FUT8: variants seen among roughly 807,000 people sequenced by gnomAD.
FUT8 encodes the protein alpha-(1,6)-fucosyltransferase.
In FUT8, 29 loss-of-function variants were observed where a neutral mutation model predicts 71.3. The ratio of observed to expected loss-of-function variants is 0.41; its 90% CI spans 0.30 to 0.55. The LOEUF is 0.55. Ranked by LOEUF, FUT8 falls within the 20% of genes least tolerant of loss-of-function variation. The pLI, the probability that FUT8 is intolerant of heterozygous loss-of-function variation, is 0.34. For synonymous variants in FUT8, 254 were observed against 239.3 expected (o/e 1.06, Z -0.57); for missense variants, 544 against 702.1 (o/e 0.77, Z 2.55).
chr14:65,503,595 G>A (rs1210730824), intron 2 of FUT8, among the ~76,000 whole-genome samples: 2 of 152,158 alleles, frequency 1.3e-5, no homozygotes, highest in African/African-American at 4.8e-5. Flanking sequence ...CAAATAGAAA[G>A]GTAATCTTTC....
In FUT8 at chr14:65,413,989, T is replaced by G. The variant is rs1211153478; in HGVS notation, c.-326+775T>G. Among the ~76,000 whole-genome samples the G allele has an allele frequency of 6.6e-6, 1 of 152,190 alleles. No individual in the cohort carries two copies. The highest frequency in any genetic ancestry group is 1.5e-5 in the Non-Finnish European group (1 of 68,034). ...CTTAGGGTTTGTCCCGGATGAGCTT[T>G]TATTTTAGCATTTTGCCATATAATA... is the stretch of plus-strand genomic sequence containing the variant. On this transcript the variant is annotated intron_variant, in intron 1 of 10. Coordinates refer to ENST00000673929, the MANE Select transcript of FUT8 (RefSeq NM_001371533.1). This position sits in a 1 kb window ranked among gnomAD's most constrained non-coding sequence, Gnocchi z 4.1.
intron 8 of FUT8, among the ~76,000 whole-genome samples, chr14:65,723,587 G>T (rs567473878): frequency 7.7e-4 from 117 of 152,296 alleles, no homozygotes; most frequent in African/African-American, 2.6e-3. Context: ...ACCGTTAAAA[G>T]GTTTGCTGGT....
At chr14:65,410,258 T>C (rs2065108511), upstream of FUT8, among the ~76,000 whole-genome samples, 1 of 152,210 alleles carries the variant, frequency 6.6e-6, no homozygotes, top group Non-Finnish European at 1.5e-5. Flanking sequence ...TTCCCTTTCA[T>C]AAGTGAATTT....
At chr14:65,511,552 T>C (rs1434872195) in intron 2 of FUT8, among the ~76,000 whole-genome samples, 1 of 152,202 alleles carries the variant, frequency 6.6e-6, no homozygotes, top group Non-Finnish European at 1.5e-5. Flanking sequence ...TAATATTTGC[T>C]TTATATATCT....
At chr14:65,501,910 T>C (rs2139772561) in intron 2 of FUT8, among the ~76,000 whole-genome samples, 1 of 151,466 alleles carries the variant, frequency 6.6e-6, no homozygotes, top group African/African-American at 2.4e-5. Flanking sequence ...GTCTTTTCTT[T>C]TCTTTCTTTT....
chr14:65,718,849 T>A (rs1284481032), intron 7 of FUT8, among the ~76,000 whole-genome samples: 1 of 152,152 alleles, frequency 6.6e-6, no homozygotes, highest in Admixed American at 6.5e-5. Flanking sequence ...TGGAGCTCCA[T>A]GGTATGTTAT....
In FUT8 at chr14:65,724,240, T is replaced by G; in HGVS notation, c.1176T>G (p.Leu392=). Residue 392 remains leucine, a synonymous_variant, in exon 9 of 11, where the codon CTT becomes CTG. Coordinates refer to ENST00000673929, the MANE Select transcript of FUT8 (RefSeq NM_001371533.1). ...YMVHVEEHFQ[L]LARRMQVDKK... ...TGCATGTTGAAGAACATTTTCAGCT[T>G]CTTGCACGCAGAATGCAAGTGGACA... 6.2e-7 allele frequency: 1 copy of G among 1,613,610 alleles called. No homozygotes were observed. Among genetic ancestry groups the G allele is most frequent in the South Asian group, 1.1e-5 (1 of 90,950 alleles).
At position 65,606,922 on chromosome 14, in the gene FUT8, T is replaced by TG. The variant is rs535138839; in HGVS notation, c.204-9055dup. 4.1e-3 allele frequency among the ~76,000 whole-genome samples: 630 copies of TG among 151,990 alleles called. 10 individuals are homozygous for TG. Among genetic ancestry groups the TG allele is most frequent in the Non-Finnish European group, 6.2e-3 (418 of 67,882 alleles). On this transcript the variant is annotated intron_variant, in intron 3 of 10. Coordinates refer to ENST00000673929, the MANE Select transcript of FUT8 (RefSeq NM_001371533.1). ...AGAAAATTTATAATTTTTTAATGTA[T>TG]GAGGTATGTTGCTGTTTGTTAGATT... is the stretch of plus-strand genomic sequence containing the variant.
intron 7 of FUT8, among the ~76,000 whole-genome samples, chr14:65,691,096 G>C (rs1893560382): frequency 6.6e-6 from 1 of 151,076 alleles, no homozygotes; most frequent in Non-Finnish European, 1.5e-5. Context: ...TCCAGCAGGG[G>C]TTTTTTGCTG....
At chr14:65,576,696 CTTTTTT>C (rs376473739) in intron 3 of FUT8, among the ~76,000 whole-genome samples, 4 of 96,202 alleles carry the variant, frequency 4.2e-5, no homozygotes, top group African/African-American at 1.9e-4. Context: ...GCCCAGCTTG[CTTTTTT>C]TTTTTTTTTT....
intron 2 of FUT8, among the ~76,000 whole-genome samples, chr14:65,474,774 ATAC>A (rs1488351147): frequency 6.6e-6 from 1 of 152,206 alleles, no homozygotes; most frequent in Non-Finnish European, 1.5e-5. Flanking sequence ...AGAGAAGAAA[ATAC>A]TACACAGTTC....
In FUT8 at chr14:65,643,714, A is replaced by ACACC. The variant is rs967959987; in HGVS notation, c.597+14109_597+14110insACCC. Among the ~76,000 whole-genome samples, 2 of 145,590 alleles carry ACACC rather than the reference A, an allele frequency of 1.4e-5. No homozygotes were observed. Among genetic ancestry groups the ACACC allele is most frequent in the Non-Finnish European group, 3.0e-5 (2 of 66,078 alleles). ...CACACACACACACACACACACACAC[A>ACACC]CCAGATTCCATTCTAGATGCTATTC... On this transcript the variant is annotated intron_variant, in intron 6 of 10. Transcript: ENST00000673929. The surrounding 1 kb of genome is among the most constrained non-coding windows in gnomAD (Gnocchi z 4.5).
chr14:65,648,033 T>C lies in FUT8; in HGVS notation c.597+18427T>C, dbSNP rs547860618. 2.6e-5 allele frequency among the ~76,000 whole-genome samples: 4 copies of C among 152,350 alleles called. 1 individual carries two copies. In the South Asian group the frequency reaches 8.3e-4, roughly 32 times the overall value. On this transcript the variant is annotated intron_variant, in intron 6 of 10. Coordinates refer to ENST00000673929, the MANE Select transcript of FUT8 (RefSeq NM_001371533.1). ...CATGTTTTTACAGATTTTATTGGCC[T>C]AGACCAGAGGTCAGCAAACTACCAC... is the stretch of plus-strand genomic sequence containing the variant.
chr14:65,432,532 C>T (rs1413658592), intron 1 of FUT8, among the ~76,000 whole-genome samples: 1 of 151,930 alleles, frequency 6.6e-6, no homozygotes, highest in African/African-American at 2.4e-5. Context: ...GCATCTTAAA[C>T]AGGAGTTGGG....
At chr14:65,735,966 C>T (rs571337281) in intron 10 of FUT8, among the ~76,000 whole-genome samples, 1 of 152,112 alleles carries the variant, frequency 6.6e-6, no homozygotes, top group South Asian at 2.1e-4. Flanking sequence ...GCCAATAGAG[C>T]GTGAGAAAAA....
chr14:65,370,500 G>T, the FUT8 span, among the ~76,000 whole-genome samples: 1 of 151,248 alleles, frequency 6.6e-6, no homozygotes, highest in African/African-American at 2.4e-5. Context: ...GAGCCATTGC[G>T]CCCGGCCACA....
At chr14:65,523,623 G>C (rs1316313792) in intron 2 of FUT8, among the ~76,000 whole-genome samples, 1 of 152,088 alleles carries the variant, frequency 6.6e-6, no homozygotes, top group Non-Finnish European at 1.5e-5. Flanking sequence ...CATTGCTTTT[G>C]GTGTTTCAGA....
At chr14:65,462,464 C>T (rs577755626) in intron 2 of FUT8, among the ~76,000 whole-genome samples, 3 of 152,164 alleles carry the variant, frequency 2.0e-5, no homozygotes, top group Non-Finnish European at 1.5e-5. Context: ...GGTTCCCCTT[C>T]CCCCTTCATT....
chr14:65,459,977 T>C (rs187752011), intron 2 of FUT8, among the ~76,000 whole-genome samples: 18 of 152,352 alleles, frequency 1.2e-4, no homozygotes, highest in Admixed American at 4.6e-4. Context: ...TATTTACTTT[T>C]GGATATTTGA....
Sources: allele counts gnomAD v4.1 joint callset (sites outside exome capture counted in the v4.1 genomes callset), GRCh38; gene constraint gnomAD v4.1.1; non-coding constraint Gnocchi (gnomAD v3.1); transcripts MANE v1.5; gene names NCBI Gene and HGNC (gene_info 2026-07-23, HGNC 2026-07-21).